The following COL6A3 variants were observed in gnomAD, a reference collection of about 807,000 sequenced individuals.
COL6A3 encodes the protein collagen type VI alpha 3 chain.
Under a neutral mutation model 274.1 loss-of-function variants are expected in COL6A3, and 137 were observed. The ratio of observed to expected loss-of-function variants is 0.50; its 90% CI spans 0.44 to 0.58. The LOEUF (loss-of-function observed/expected upper bound fraction) is 0.58, where lower values mean the gene tolerates loss of function less well. Ranked by LOEUF, COL6A3 falls within the 20% of genes least tolerant of loss-of-function variation. The probability of loss-of-function intolerance (pLI) is 0.00; values close to 1 mark genes in which losing one functional copy is unlikely to be tolerated. For missense variants in COL6A3, 3,950 were observed against 4,124.9 expected (o/e 0.96, Z 1.16); for synonymous variants, 1,650 against 1,650.6 (o/e 1.00, Z 0.01).
chr2:237,363,832 C>T (rs994461629), intron 13 of COL6A3, among the ~76,000 whole-genome samples: 2 of 152,224 alleles, frequency 1.3e-5, no homozygotes, highest in Non-Finnish European at 2.9e-5. Context: ...CATCCACTTT[C>T]TGATAGTCAG....
Position 237,376,842 on chromosome 2 carries a change from G to C in COL6A3, c.3000C>G (p.Pro1000=), listed in dbSNP as rs2077855011. ...PAFILAAESL[P]KIGDLHPQIV... ...TCTGTGGATGAAGATCTCCAATCTT[G>C]GGAAGCGACTCTGCAGCCAGGATAA... Residue 1000 remains proline, a synonymous_variant, in exon 7 of 44, where the codon CCC becomes CCG. Transcript: ENST00000295550. 1 of 1,614,074 alleles carries C rather than the reference G, an allele frequency of 6.2e-7. No homozygotes were observed. The highest frequency in any genetic ancestry group is 1.3e-5 in the African/African-American group (1 of 74,926).
rs2646263 is a variant in COL6A3, at chr2:237,348,710, A to G, written c.6880-47T>C. On this transcript the variant is annotated intron_variant, in intron 28 of 43. Transcript: ENST00000295550. Reference sequence around the variant, plus strand: ...GACTGTAGGTCGCCATGCCTGGCACACCATAACCACCGTCTCTGCCCTGCC... The same window carrying G: ...GACTGTAGGTCGCCATGCCTGGCACGCCATAACCACCGTCTCTGCCCTGCC... 0.14 allele frequency: 210,569 copies of G among 1,555,482 alleles called. 15,671 individuals are homozygous for G. The highest frequency in any genetic ancestry group is 0.28 in the African/African-American group (20,512 of 73,916).
intron 9 of COL6A3, 111 bp from the exon 10 acceptor site, chr2:237,369,288 G>A: frequency 7.0e-7 from 1 of 1,423,558 alleles, no homozygotes; most frequent in South Asian, 1.2e-5. Flanking sequence ...TATATCCCAA[G>A]ATGCCTGTGT....
At position 237,371,550 on chromosome 2, in the gene COL6A3, A is replaced by G; in HGVS notation, c.4285+182T>C. 1 of 1,353,216 alleles carries G rather than the reference A, an allele frequency of 7.4e-7. No individual in the cohort carries two copies. The highest frequency in any genetic ancestry group is 9.7e-7 in the Non-Finnish European group (1 of 1,028,808). The allele number at this position is 1,353,216 out of a possible 1,614,324, so 83.8% of individuals were successfully genotyped here. On this transcript the variant is annotated intron_variant, in intron 9 of 43. Coordinates refer to ENST00000295550, the MANE Select transcript of COL6A3 (RefSeq NM_004369.4). This position sits in a 1 kb window ranked among gnomAD's most constrained non-coding sequence, Gnocchi z 4.3. Reference sequence around the variant, plus strand: ...AAGGCAGAGGTTAAAATGAGTTATGATCATGCCACTGCACTCCAGCCTGGA... The same window carrying G: ...AAGGCAGAGGTTAAAATGAGTTATGGTCATGCCACTGCACTCCAGCCTGGA...
In COL6A3 at chr2:237,364,906, G is replaced by GGTGCATGTCTGTGGGTGTGTGTGCGTGT; in HGVS notation, c.5839-506_5839-479dup. ...GGGTGCATGTGCGTGCATGTGTGTGGGTGCATGTCTGTGGGTGTGTGTGCG... is the reference window on the plus strand; with the variant it reads ...GGGTGCATGTGCGTGCATGTGTGTGGGTGCATGTCTGTGGGTGTGTGTGCGTGTGTGCATGTCTGTGGGTGTGTGTGCG... On this transcript the variant is annotated intron_variant, in intron 12 of 43. Transcript: ENST00000295550. The surrounding 1 kb of genome is among the most constrained non-coding windows in gnomAD (Gnocchi z 4.6). Among the ~76,000 whole-genome samples the GGTGCATGTCTGTGGGTGTGTGTGCGTGT allele has an allele frequency of 6.7e-6, 1 of 149,844 alleles. No individual in the cohort carries two copies. The highest frequency in any genetic ancestry group is 2.0e-4 in the East Asian group (1 of 5,068).
chr2:237,351,012 G>C, intron 27 of COL6A3, 118 bp downstream of exon 27: 1 of 933,102 alleles, frequency 1.1e-6, no homozygotes, highest in Non-Finnish European at 1.8e-6. Flanking sequence ...GGGGAGGCTG[G>C]AGTGGGAACC....
intron 26 of COL6A3, among the ~76,000 whole-genome samples, chr2:237,351,877 A>G (rs1423998967): frequency 2.0e-5 from 3 of 152,218 alleles, no homozygotes; most frequent in Non-Finnish European, 4.4e-5. Flanking sequence ...ATTTTTGTAC[A>G]TTTATGTAGC....
chr2:237,341,567 A>C (rs953663446), intron 37 of COL6A3, among the ~76,000 whole-genome samples: 36 of 151,602 alleles, frequency 2.4e-4, no homozygotes, highest in South Asian at 2.1e-3. Flanking sequence ...AAAAAAAAAA[A>C]AAAACATCAC....
At position 237,325,542 on chromosome 2, in the gene COL6A3, C is replaced by G. The variant is rs377269969; in HGVS notation, c.9493+18G>C. 1.2e-6 allele frequency: 2 copies of G among 1,613,942 alleles called. No individual in the cohort carries two copies. Among genetic ancestry groups the G allele is most frequent in the Non-Finnish European group, 1.7e-6 (2 of 1,179,968 alleles). ...CTCTTATTTGCAGAAGCCATAAACA[C>G]AAGGAAGAATCACTTACCAGGAGCG... is the stretch of plus-strand genomic sequence containing the variant. On this transcript the variant is annotated intron_variant, in intron 43 of 43. Coordinates refer to ENST00000295550, the MANE Select transcript of COL6A3 (RefSeq NM_004369.4).
At chr2:237,335,206 T>C (rs1269980560) in intron 40 of COL6A3, among the ~76,000 whole-genome samples, 1 of 152,212 alleles carries the variant, frequency 6.6e-6, no homozygotes, top group African/African-American at 2.4e-5. Flanking sequence ...TGCTACAAAA[T>C]GAGCCCCATA....
rs549318151 is a variant in COL6A3, at chr2:237,387,746, G to A, written c.1148C>T (p.Ala383Val). 1 of 1,613,956 alleles carries A rather than the reference G, an allele frequency of 6.2e-7. No individual in the cohort carries two copies. The highest frequency in any genetic ancestry group is 1.3e-5 in the African/African-American group (1 of 75,054). Residue 383 changes from alanine (A) to valine (V), a missense_variant, in exon 4 of 44, where the codon GCC (alanine) becomes GTC (valine). Transcript: ENST00000295550. The part of the protein sequence containing the change: ...SVFSFGLGAQ[A>V]ASRAELQHIA... Reference sequence around the variant, plus strand: ...GTGCTGAAGCTCTGCCCTGGAGGCGGCCTGGGCTCCAAGGCCGAATGAGAA... The same window carrying A: ...GTGCTGAAGCTCTGCCCTGGAGGCGACCTGGGCTCCAAGGCCGAATGAGAA...
At chr2:237,409,326 A>G (rs2078796624) in intron 1 of COL6A3, among the ~76,000 whole-genome samples, 1 of 152,082 alleles carries the variant, frequency 6.6e-6, no homozygotes, top group Admixed American at 6.6e-5. Flanking sequence ...TTTAAGTTTT[A>G]GGGTACATGT....
In COL6A3 at chr2:237,333,464, G is replaced by A; in HGVS notation, c.9314C>T (p.Ala3105Val). The change falls in exon 42 of 44, where the codon GCT becomes GTT. Residue 3105 changes from alanine (A) to valine (V), a missense_variant. Physicochemically the swap from Ala to Val is moderately conservative, Grantham distance 64. Around this residue, in one of 5 missense-constraint regions of COL6A3, gnomAD observed 1,284 missense variants for 1,349.7 expected, o/e 0.95. Transcript: ENST00000295550. ...INLMVSTEPL[A>V]LTETDICKLP... ...TCACAACTCACCTGTTTCAGTGAGAGCCAATGGTTCTGTGCTCACCATTAG... is the reference window on the plus strand; with the variant it reads ...TCACAACTCACCTGTTTCAGTGAGAACCAATGGTTCTGTGCTCACCATTAG... The A allele has an allele frequency of 6.2e-7, 1 of 1,613,958 alleles. No homozygotes were observed. The highest frequency in any genetic ancestry group is 8.5e-7 in the Non-Finnish European group (1 of 1,179,812).
At chr2:237,410,795 GA>G (rs2078838476) in intron 1 of COL6A3, among the ~76,000 whole-genome samples, 2 of 152,182 alleles carry the variant, frequency 1.3e-5, no homozygotes, top group African/African-American at 4.8e-5. Context: ...TTTATTTAAA[GA>G]ATAGGATTGT....
chr2:237,348,363 A>G lies in COL6A3; in HGVS notation c.6952T>C (p.Tyr2318His), dbSNP rs2077138583. 6.2e-7 allele frequency: 1 copy of G among 1,608,084 alleles called. No homozygotes were observed. Among genetic ancestry groups the G allele is most frequent in the South Asian group, 1.1e-5 (1 of 90,924 alleles). ...GGATTATTTACCTTTGGTCCTGGGTATCCAGGGAATCCTCTTTCTCCCTAT... is the reference window on the plus strand; with the variant it reads ...GGATTATTTACCTTTGGTCCTGGGTGTCCAGGGAATCCTCTTTCTCCCTAT... ...GKKGERGFPG[Y>H]PGPKGNPGEP... The change falls in exon 30 of 44, where the codon TAC becomes CAC. Residue 2318 changes from tyrosine to histidine, a missense_variant. By Grantham distance (83) the Tyr-to-His change is moderately conservative. This residue lies in a region of COL6A3 where 1,284 missense variants were observed against 1,349.7 expected (regional missense o/e 0.95). Coordinates refer to ENST00000295550, the MANE Select transcript of COL6A3 (RefSeq NM_004369.4).
intron 1 of COL6A3, among the ~76,000 whole-genome samples, chr2:237,402,491 T>C (rs1401866706): frequency 3.3e-5 from 5 of 152,182 alleles, no homozygotes; most frequent in Non-Finnish European, 7.4e-5. Context: ...ACAGGAATGA[T>C]GTAAGTGCAG....
In COL6A3 at chr2:237,340,986, A is replaced by G. The variant is rs754664272; in HGVS notation, c.7930T>C (p.Tyr2644His). The change falls in exon 38 of 44, where the codon TAC (tyrosine) becomes CAC (histidine). Residue 2644 changes from tyrosine (Y) to histidine (H), a missense_variant. By Grantham distance (83) the Tyr-to-His change is moderately conservative. Transcript: ENST00000295550. ...CTCATGTCCAGTTGTCTGACCAGGT[A>G]CGCTATGTACTTCTTCATCTCATTG... ...QFNEMKKYIA[Y>H]LVRQLDMSPD... is the part of the protein sequence containing the mutation. 4.3e-6 allele frequency: 7 copies of G among 1,614,168 alleles called. No homozygotes were observed. In the Admixed American group the frequency reaches 5.0e-5, roughly 12 times the overall value.
chr2:237,391,206 T>C (rs1304850324), intron 3 of COL6A3, among the ~76,000 whole-genome samples: 1 of 151,380 alleles, frequency 6.6e-6, no homozygotes. Context: ...GACGTGGTAC[T>C]AGGAGGAACT....
At chr2:237,342,520 C>A (rs896603459) in intron 36 of COL6A3, 2 of 266,268 alleles carry the variant, frequency 7.5e-6, no homozygotes, top group African/African-American at 2.2e-5. Flanking sequence ...TTAATCTTAT[C>A]GTTATTTTTA....
Sources: gnomAD v4.1 joint callset for allele counts (sites outside exome capture counted in the v4.1 genomes callset) on GRCh38, gnomAD v4.1.1 for gene constraint, gnomAD v4.1.1 regional missense constraint, Gnocchi (gnomAD v3.1) non-coding constraint, MANE v1.5 for transcripts, NCBI Gene and HGNC (gene_info 2026-07-23, HGNC 2026-07-21) for gene names.